Variants in SF3B3 observed in about 807,000 individuals in gnomAD.
SF3B3 encodes the protein splicing factor 3b subunit 3.
A neutral mutation model predicts 139.2 loss-of-function variants in SF3B3; 33 were observed. The observed-to-expected ratio is 0.24, with a 90% confidence interval of 0.18 to 0.32. The LOEUF (loss-of-function observed/expected upper bound fraction) is 0.32, where lower values mean the gene tolerates loss of function less well. Ranked by LOEUF, SF3B3 falls within the 10% of genes least tolerant of loss-of-function variation. The pLI, the probability that SF3B3 is intolerant of heterozygous loss-of-function variation, is 1.00. For synonymous variants in SF3B3, 596 were observed against 563.6 expected (o/e 1.06, Z -0.81); for missense variants, 818 against 1,509.4 (o/e 0.54, Z 7.59).
chr16:70,566,074 G>A (rs755436162), intron 20 of SF3B3, among the ~76,000 whole-genome samples: 3 of 150,766 alleles, frequency 2.0e-5, no homozygotes, highest in Non-Finnish European at 4.4e-5. Context: ...CCGAGATTGC[G>A]CCATTGCACT....
chr16:70,538,617 G>A (rs1429567528), intron 7 of SF3B3, among the ~76,000 whole-genome samples, 157 bp downstream of exon 7: 1 of 152,164 alleles, frequency 6.6e-6, no homozygotes, highest in East Asian at 1.9e-4. Context: ...TCAGATTTTT[G>A]GTCTAGTAAT....
chr16:70,572,194 G>A lies in SF3B3; in HGVS notation c.*381G>A. ...GTTTTGTACAATGTTATCTCTGTGG[G>A]AGGAAGGAGGCAGGCTGTGGTGGGA... On this transcript the variant is annotated 3_prime_UTR_variant, in exon 26 of 26. Transcript: ENST00000302516. 2.2e-6 allele frequency: 1 copy of A among 456,898 alleles called. No individual in the cohort carries two copies. Among genetic ancestry groups the A allele is most frequent in the Non-Finnish European group, 4.4e-6 (1 of 227,758 alleles). The allele number at this position is 456,898 out of a possible 1,614,324, so 28.3% of individuals were successfully genotyped here.
intron 15 of SF3B3, among the ~76,000 whole-genome samples, chr16:70,559,655 C>G (rs974042461): frequency 1.3e-5 from 2 of 151,964 alleles, no homozygotes; most frequent in Non-Finnish European, 2.9e-5. Context: ...GCACTGTACT[C>G]CAGCCTGGGT....
In SF3B3 at chr16:70,541,715, G is replaced by T; in HGVS notation, c.1114G>T (p.Glu372Ter). 1.2e-6 allele frequency: 2 copies of T among 1,614,120 alleles called. No individual in the cohort carries two copies. The highest frequency in any genetic ancestry group is 8.5e-7 in the Non-Finnish European group (1 of 1,179,996). Residue 372 changes from glutamate (E) to a stop codon, truncating the protein, a stop_gained, in exon 9 of 26, where the codon GAG (glutamate) becomes TAG (stop). Transcript: ENST00000302516. LOFTEE classifies it high-confidence loss of function. ...AHLGDDDEEP[E>*]FSSAMPLEEG... ...TCTTGGAGATGATGATGAAGAACCT[G>T]AGTTTTCATCAGCCATGCCTCTGGA... is the stretch of plus-strand genomic sequence containing the variant.
chr16:70,559,838 A>C (rs2050412549), intron 15 of SF3B3, among the ~76,000 whole-genome samples: 1 of 151,968 alleles, frequency 6.6e-6, no homozygotes. Context: ...CTTGGCCTCA[A>C]GCAGTCGTCC....
Position 70,563,924 on chromosome 16 carries a change from C to T in SF3B3, c.2337C>T (p.Phe779=). The change falls in exon 18 of 26, where the codon TTC becomes TTT. Residue 779 remains phenylalanine (F), a synonymous_variant. Transcript: ENST00000302516. ...KLGAVFNQVA[F]PLQYTPRKFV... is the part of the protein sequence containing the mutation. ...GTGCTGTCTTCAATCAAGTAGCCTTCCCACTGCAGTACACACCCAGGAAAT... is the reference window on the plus strand; with the variant it reads ...GTGCTGTCTTCAATCAAGTAGCCTTTCCACTGCAGTACACACCCAGGAAAT... The T allele has an allele frequency of 1.9e-6, 3 of 1,614,084 alleles. No homozygotes were observed. Among genetic ancestry groups the T allele is most frequent in the Non-Finnish European group, 2.5e-6 (3 of 1,180,010 alleles).
chr16:70,556,663 T>G, intron 14 of SF3B3: 1 of 612,640 alleles, frequency 1.6e-6, no homozygotes, highest in South Asian at 2.0e-5. Context: ...TAATTACCTT[T>G]GCCATTATCT....
chr16:70,541,992 C>T (rs927135478), intron 9 of SF3B3, among the ~76,000 whole-genome samples, 158 bp downstream of exon 9: 1 of 152,118 alleles, frequency 6.6e-6, no homozygotes, highest in Non-Finnish European at 1.5e-5. Context: ...AGTCCTCGGG[C>T]TTTTTTTCCC....
At chr16:70,553,242 AC>A (rs1355497523) in intron 11 of SF3B3, among the ~76,000 whole-genome samples, 1 of 151,288 alleles carries the variant, frequency 6.6e-6, no homozygotes, top group African/African-American at 2.4e-5. Context: ...TCTTCATTTG[AC>A]CCCTGCTTCT....
Position 70,565,241 on chromosome 16 carries a change from C to A in SF3B3, c.2640C>A (p.Val880=). Residue 880 remains valine, a synonymous_variant, in exon 19 of 26, where the codon GTC becomes GTA. Coordinates refer to ENST00000302516, the MANE Select transcript of SF3B3 (RefSeq NM_012426.5). ...TTCAAGGGAACACACTGGACCTTGT[C>A]CAGCTGGAACAGAATGAGGCAGCTT... ...NPIQGNTLDL[V]QLEQNEAAFS... is the part of the protein sequence containing the mutation. 1 of 1,614,204 alleles carries A rather than the reference C, an allele frequency of 6.2e-7. No homozygotes were observed.
chr16:70,559,755 G>A (rs912722883), intron 15 of SF3B3, among the ~76,000 whole-genome samples: 1 of 151,260 alleles, frequency 6.6e-6, no homozygotes, highest in Non-Finnish European at 1.5e-5. Context: ...TTATACATTT[G>A]TGCTGAAAAC....
chr16:70,541,599 G>A, intron 8 of SF3B3, 70 bp from the exon 9 acceptor site: 2 of 1,275,974 alleles, frequency 1.6e-6, no homozygotes, highest in East Asian at 2.3e-5. Flanking sequence ...TGTGCTTTAT[G>A]TTGATGCCAG....
Position 70,560,452 on chromosome 16 carries a change from C to G in SF3B3, c.2011-17C>G. The G allele has an allele frequency of 2.5e-6, 4 of 1,612,004 alleles. No individual in the cohort carries two copies. Among genetic ancestry groups the G allele is most frequent in the Non-Finnish European group, 3.4e-6 (4 of 1,178,788 alleles). ...AAGCTTCCATCAGGCTTCACCTGCT[C>G]CTCTCCTTTTGATTAGAACGGTGTG... On this transcript the variant is annotated splice_polypyrimidine_tract_variant and intron_variant, in intron 15 of 25. Transcript: ENST00000302516.
chr16:70,525,979 AAG>A (rs1172768332), intron 1 of SF3B3, among the ~76,000 whole-genome samples: 3 of 147,488 alleles, frequency 2.0e-5, no homozygotes, highest in East Asian at 3.9e-4. Flanking sequence ...AAAAAAAAAA[AAG>A]GAAAAAAAAA....
At chr16:70,525,957 CAAAAAAAA>C (rs920550920) in intron 1 of SF3B3, among the ~76,000 whole-genome samples, 4 of 42,274 alleles carry the variant, frequency 9.5e-5, no homozygotes, top group Admixed American at 2.8e-4. Flanking sequence ...TGAGACGCCT[CAAAAAAAA>C]AAAAAAAAAA....
chr16:70,543,430 G>A (rs1270506909), intron 9 of SF3B3, among the ~76,000 whole-genome samples: 1 of 140,200 alleles, frequency 7.1e-6, no homozygotes, highest in African/African-American at 2.7e-5. Flanking sequence ...AAAAAAGGCC[G>A]GTCACGATGG....
At chr16:70,534,977 T>C (rs969954734) in intron 5 of SF3B3, among the ~76,000 whole-genome samples, 7 of 152,172 alleles carry the variant, frequency 4.6e-5, no homozygotes, top group Admixed American at 4.6e-4. Flanking sequence ...GAACACACTG[T>C]ATTTTAAAAA....
intron 21 of SF3B3, 58 bp downstream of exon 21, chr16:70,567,594 G>A (rs1439201834): frequency 1.3e-6 from 2 of 1,549,336 alleles, no homozygotes; most frequent in East Asian, 4.6e-5. Flanking sequence ...TGGGGGCATT[G>A]GTGGGGTGGT....
At chr16:70,542,069 A>G (rs2050223655) in intron 9 of SF3B3, among the ~76,000 whole-genome samples, 1 of 152,168 alleles carries the variant, frequency 6.6e-6, no homozygotes, top group African/African-American at 2.4e-5. Context: ...GCAGGGGAGG[A>G]AAAAATCAGA....
Sources: allele counts gnomAD v4.1 joint callset (sites outside exome capture counted in the v4.1 genomes callset), GRCh38; gene constraint gnomAD v4.1.1; transcripts MANE v1.5; gene names NCBI Gene and HGNC (gene_info 2026-07-23, HGNC 2026-07-21).